The following HIP1 variants were observed in gnomAD, a reference collection of about 807,000 sequenced individuals.
HIP1 encodes the protein huntingtin interacting protein 1.
A neutral mutation model predicts 147.6 loss-of-function variants in HIP1; 65 were observed. The ratio of observed to expected loss-of-function variants is 0.44; its 90% CI spans 0.36 to 0.54. HIP1 has a LOEUF of 0.54. HIP1 is among the 20% of genes least tolerant of loss of function. The probability of loss-of-function intolerance (pLI) is 0.00; values close to 1 mark genes in which losing one functional copy is unlikely to be tolerated. For missense variants in HIP1, 1,061 were observed against 1,299.6 expected, an observed-to-expected ratio of 0.82 and a Z score of 2.82; for synonymous variants, 479 against 504.0, an observed-to-expected ratio of 0.95 and a Z score of 0.67.
rs201780105 is a variant in HIP1, at chr7:75,631,131, GT to G, written c.121-31885del. ...TCATGCGACCAAACCCAGATAATTT[GT>G]TTTTTAAATTTTTTTTTTTTTAGTA... On this transcript the variant is annotated intron_variant, in intron 1 of 30. Transcript: ENST00000336926. Among the ~76,000 whole-genome samples, 27 of 144,464 alleles carry G rather than the reference GT, an allele frequency of 1.9e-4. 1 individual carries two copies. The highest frequency in any genetic ancestry group is 5.6e-4 in the Admixed American group (8 of 14,288). The allele number at this position is 144,464 out of a possible 152,430, so 94.8% of individuals were successfully genotyped here.
chr7:75,626,919 G>C (rs1456275178), intron 1 of HIP1: 2 of 151,386 alleles, frequency 1.3e-5, no homozygotes, highest in African/African-American at 4.8e-5. Context: ...ACACAGAAAA[G>C]TCTGTAAGAA....
intron 1 of HIP1, among the ~76,000 whole-genome samples, chr7:75,667,581 G>A (rs1245441644): frequency 7.9e-5 from 12 of 152,172 alleles, no homozygotes; most frequent in East Asian, 7.7e-4. Context: ...GAGCTCCTGG[G>A]CTCAGGTGAT....
rs1163191581 is a variant in HIP1 at position 75,562,987 on chromosome 7, C to G, written c.968G>C (p.Ser323Thr). 4 of 1,614,082 alleles carry G rather than the reference C, an allele frequency of 2.5e-6. No homozygotes were observed. The highest frequency in any genetic ancestry group is 3.4e-6 in the Non-Finnish European group (4 of 1,180,048). ...VIPAEASSPD[S>T]EPVLEKDDLM... ...GTCATCCTTCTCTAGGACTGGCTCG[C>G]TGTCGGGGGATGAGGCCTCTGCAGG... The change falls in exon 11 of 31, where the codon AGC (serine) becomes ACC (threonine). Residue 323 changes from serine to threonine, a missense_variant. Transcript: ENST00000336926.
intron 4 of HIP1, among the ~76,000 whole-genome samples, chr7:75,588,730 C>T (rs1339515399): frequency 2.0e-5 from 3 of 151,952 alleles, no homozygotes; most frequent in African/African-American, 4.8e-5. Context: ...GCCATGATCG[C>T]GCCACTGCAC....
chr7:75,645,446 C>T (rs952970747), intron 1 of HIP1, among the ~76,000 whole-genome samples: 4 of 152,042 alleles, frequency 2.6e-5, no homozygotes, highest in Non-Finnish European at 4.4e-5. Context: ...AGGCTGGTCT[C>T]AAACTCCTGA....
At chr7:75,638,435 G>T (rs898680990) in intron 1 of HIP1, among the ~76,000 whole-genome samples, 1 of 152,134 alleles carries the variant, frequency 6.6e-6, no homozygotes, top group Non-Finnish European at 1.5e-5. Flanking sequence ...CTCCAGAGGA[G>T]CCCATTTCTA....
At chr7:75,689,397 G>C (rs1800369717) in intron 1 of HIP1, among the ~76,000 whole-genome samples, 1 of 151,904 alleles carries the variant, frequency 6.6e-6, no homozygotes, top group Non-Finnish European at 1.5e-5. Flanking sequence ...CCAGTTTCTT[G>C]GGAGGCTGAA....
intron 1 of HIP1, among the ~76,000 whole-genome samples, chr7:75,669,108 G>C (rs1799654207): frequency 6.6e-6 from 1 of 151,946 alleles, no homozygotes. Context: ...GCTCACGCCT[G>C]TAATCCCAGC....
In HIP1 at chr7:75,676,780, GA is replaced by G. The variant is rs781875604; in HGVS notation, c.120+62020del. ...AAAAAGAATGAAACTCCATCTCAAA[GA>G]AAAAAAAAAAAAGCCCCCCATGGAC... On this transcript the variant is annotated intron_variant, in intron 1 of 30. Coordinates refer to ENST00000336926, the MANE Select transcript of HIP1 (RefSeq NM_005338.7). Among the ~76,000 whole-genome samples, 1,219 of 143,288 alleles carry G rather than the reference GA, an allele frequency of 8.5e-3. 18 individuals carry two copies. The highest frequency in any genetic ancestry group is 0.027 in the African/African-American group (1,082 of 39,850). 94.0% of individuals were successfully genotyped at this position (143,288 alleles called of 152,430 possible). A position where few individuals can be genotyped will look rare whatever the true frequency, so the allele number is the denominator to read the frequency against.
intron 1 of HIP1, among the ~76,000 whole-genome samples, chr7:75,654,871 C>A (rs190997643): frequency 2.6e-5 from 4 of 151,788 alleles, no homozygotes; most frequent in Non-Finnish European, 4.4e-5. Context: ...AGAAATTAGC[C>A]GGGCATGGTG....
intron 1 of HIP1, among the ~76,000 whole-genome samples, chr7:75,688,888 C>A (rs958672840): frequency 6.6e-5 from 10 of 152,132 alleles, no homozygotes; most frequent in Admixed American, 1.3e-4. Flanking sequence ...CATCAAGGCC[C>A]CCTTTGTCCT....
intron 1 of HIP1, among the ~76,000 whole-genome samples, chr7:75,713,036 A>G (rs571343624): frequency 4.6e-5 from 7 of 152,348 alleles, no homozygotes; most frequent in African/African-American, 7.2e-5. Flanking sequence ...TTTCCTCAGT[A>G]GCCCTTATGT....
chr7:75,556,483 A>T (rs1795010181), intron 17 of HIP1, among the ~76,000 whole-genome samples: 1 of 152,086 alleles, frequency 6.6e-6, no homozygotes. Flanking sequence ...GGAGTTCGAG[A>T]CCAGCCTGGG....
At chr7:75,711,571 GA>G (rs1394777860) in intron 1 of HIP1, among the ~76,000 whole-genome samples, 1 of 152,156 alleles carries the variant, frequency 6.6e-6, no homozygotes, top group East Asian at 1.9e-4. Context: ...TTATAGTCTG[GA>G]AGGGACATTT....
chr7:75,556,674 A>C (rs1273760854), intron 17 of HIP1, 36 bp downstream of exon 17: 3 of 1,298,440 alleles, frequency 2.3e-6, no homozygotes, highest in African/African-American at 2.9e-5. Flanking sequence ...TGACAGAAGA[A>C]GACTCTATCT....
intron 1 of HIP1, among the ~76,000 whole-genome samples, chr7:75,694,463 C>T (rs1554518544): frequency 6.6e-6 from 1 of 151,272 alleles, no homozygotes; most frequent in Non-Finnish European, 1.5e-5. Context: ...ACTGAACCTT[C>T]TAGATTGATT....
chr7:75,591,459 C>T (rs1796498554), intron 4 of HIP1, among the ~76,000 whole-genome samples: 2 of 152,118 alleles, frequency 1.3e-5, no homozygotes, highest in East Asian at 1.9e-4. Context: ...TGCCACCTAC[C>T]TCCCCCCTCA....
chr7:75,601,494 G>A (rs1418624385), intron 1 of HIP1, among the ~76,000 whole-genome samples: 1 of 151,966 alleles, frequency 6.6e-6, no homozygotes, highest in Non-Finnish European at 1.5e-5. Flanking sequence ...TACTCGGGAG[G>A]CTGAGGCAGG....
chr7:75,637,135 C>A (rs1463096196), intron 1 of HIP1, among the ~76,000 whole-genome samples: 1 of 152,228 alleles, frequency 6.6e-6, no homozygotes, highest in East Asian at 1.9e-4. Flanking sequence ...CGGCCTGTAT[C>A]TCTCTGGATC....
Sources: gnomAD v4.1 joint callset for allele counts (sites outside exome capture counted in the v4.1 genomes callset) on GRCh38, gnomAD v4.1.1 for gene constraint, MANE v1.5 for transcripts, NCBI Gene and HGNC (gene_info 2026-07-23, HGNC 2026-07-21) for gene names.